Variants in PFKFB3 observed in about 807,000 individuals in gnomAD.
PFKFB3 encodes the protein 6-phosphofructo-2-kinase/fructose-2,6-bisphosphatase 3.
Under a neutral mutation model 68.0 loss-of-function variants are expected in PFKFB3, and 33 were observed. The ratio of observed to expected loss-of-function variants is 0.49; its 90% confidence interval spans 0.37 to 0.65. PFKFB3 has a LOEUF of 0.65. PFKFB3 is among the 30% of genes least tolerant of loss of function. PFKFB3 has a pLI of 0.00. For missense variants in PFKFB3, 586 were observed against 712.2 expected (o/e 0.82, Z 2.02); for synonymous variants, 315 against 288.2 (o/e 1.09, Z -0.94).
chr10:6,222,828 C>G lies in PFKFB3; in HGVS notation c.1084-27C>G, dbSNP rs367970367. 12 of 1,601,354 alleles carry G rather than the reference C, an allele frequency of 7.5e-6. No homozygotes were observed. The African/African-American group carries it at 1.6e-4, about 21-fold the overall frequency. On this transcript the variant is annotated intron_variant, in intron 10 of 14. Transcript: ENST00000379775. The stretch of plus-strand genomic sequence containing the variant: ...GAGCCCCTCCCGAGTGCCCTGAGCT[C>G]ACGTGGGCCCGGCCCTCTGTGCTCA...
the PFKFB3 span, among the ~76,000 whole-genome samples, chr10:6,268,678 T>G: frequency 1.3e-5 from 2 of 150,974 alleles, no homozygotes; most frequent in Non-Finnish European, 3.0e-5. Flanking sequence ...AAAAGACTAG[T>G]TAACTTTTTT....
chr10:6,172,095 C>T (rs1204027311), intron 1 of PFKFB3, among the ~76,000 whole-genome samples: 2 of 152,236 alleles, frequency 1.3e-5, no homozygotes, highest in Non-Finnish European at 2.9e-5. Context: ...GACGCATTCT[C>T]CCGGAACACC....
rs1210328694 is a variant in PFKFB3 at position 6,229,168 on chromosome 10, G to A, written c.1515+2803G>A. On this transcript the variant is annotated intron_variant, in intron 14 of 14. Transcript: ENST00000379775. The surrounding 1 kb of genome is among the most constrained non-coding windows in gnomAD (Gnocchi z 4.3). ...GATGCTGAAAAGAATGACTGGCTTTGGAAATGGGAGAGGTTTGGCATGGCG... is the reference window on the plus strand; with the variant it reads ...GATGCTGAAAAGAATGACTGGCTTTAGAAATGGGAGAGGTTTGGCATGGCG... 6.3e-6 allele frequency: 3 copies of A among 477,520 alleles called. No individual in the cohort carries two copies. The East Asian group carries it at 1.9e-4, about 31-fold the overall frequency. The allele number at this position is 477,520 out of a possible 1,614,324, so 29.6% of individuals were successfully genotyped here.
chr10:6,272,519 C>T, the PFKFB3 span, among the ~76,000 whole-genome samples: 1 of 152,012 alleles, frequency 6.6e-6, no homozygotes, highest in Non-Finnish European at 1.5e-5. Context: ...CATGGTGAAC[C>T]CCGTCTCTAC....
chr10:6,204,323 A>G (rs534984490), intron 1 of PFKFB3, among the ~76,000 whole-genome samples: 11 of 152,268 alleles, frequency 7.2e-5, no homozygotes, highest in Non-Finnish European at 1.2e-4. Flanking sequence ...TAGCCTGAGT[A>G]GTGACCGTGG....
chr10:6,219,452 G>T, intron 6 of PFKFB3, 117 bp from the exon 7 acceptor site: 1 of 1,117,590 alleles, frequency 8.9e-7, no homozygotes, highest in African/African-American at 1.5e-5. Context: ...CGCTGGGCCG[G>T]ATAATCTTTA....
chr10:6,286,728 A>G, the PFKFB3 span, among the ~76,000 whole-genome samples: 1 of 152,116 alleles, frequency 6.6e-6, no homozygotes, highest in Non-Finnish European at 1.5e-5. Context: ...TAAAGTGATT[A>G]TTTTTATAGT....
chr10:6,219,838 T>G (rs1844831509), intron 7 of PFKFB3, 145 bp downstream of exon 7: 3 of 740,038 alleles, frequency 4.1e-6, no homozygotes, highest in Admixed American at 5.5e-5. Context: ...GGTCTCGCTA[T>G]GTTGCCCGGG....
At chr10:6,169,228 C>T (rs1842231860) in intron 1 of PFKFB3, among the ~76,000 whole-genome samples, 2 of 152,232 alleles carry the variant, frequency 1.3e-5, no homozygotes, top group South Asian at 4.1e-4. Flanking sequence ...AGGCGTGAGC[C>T]ACCGCGCCCA....
intron 1 of PFKFB3, among the ~76,000 whole-genome samples, chr10:6,168,672 A>G (rs535315312): frequency 2.6e-5 from 4 of 152,284 alleles, no homozygotes; most frequent in African/African-American, 7.2e-5. Context: ...TGCTACGACC[A>G]TTATGCATGA....
intron 1 of PFKFB3, among the ~76,000 whole-genome samples, chr10:6,166,105 C>T (rs144333039): frequency 0.011 from 1,641 of 152,078 alleles, 67 homozygotes; most frequent in East Asian, 0.099. Context: ...TCAGCCTCCC[C>T]AGTAGCTGGG....
chr10:6,239,672 A>C (rs1846096987), downstream of PFKFB3, among the ~76,000 whole-genome samples: 1 of 152,002 alleles, frequency 6.6e-6, no homozygotes, highest in Non-Finnish European at 1.5e-5. Flanking sequence ...GAACATGAAG[A>C]CTTTCTAATA....
At chr10:6,316,304 C>T in the PFKFB3 span, among the ~76,000 whole-genome samples, 2 of 152,158 alleles carry the variant, frequency 1.3e-5, no homozygotes, top group African/African-American at 4.8e-5. Flanking sequence ...AGGGGCACCT[C>T]GACCAATGTC....
intron 14 of PFKFB3, among the ~76,000 whole-genome samples, chr10:6,250,361 C>T (rs952064043): frequency 2.0e-5 from 3 of 151,962 alleles, no homozygotes; most frequent in Non-Finnish European, 2.9e-5. Context: ...ATCAGGCAAT[C>T]GAGACCATCC....
intron 14 of PFKFB3, among the ~76,000 whole-genome samples, chr10:6,243,091 A>G (rs1014240136): frequency 6.6e-6 from 1 of 152,206 alleles, no homozygotes; most frequent in Admixed American, 6.5e-5. Context: ...AGACTCGGCA[A>G]CACCCTACCA....
At position 6,188,214 on chromosome 10, in the gene PFKFB3, C is replaced by T. The variant is rs150961649; in HGVS notation, c.17-25409C>T. Among the ~76,000 whole-genome samples the T allele has an allele frequency of 9.0e-4, 136 of 151,906 alleles. 1 individual carries two copies. Among genetic ancestry groups the T allele is most frequent in the African/African-American group, 3.1e-3 (130 of 41,398 alleles). On this transcript the variant is annotated intron_variant, in intron 1 of 14. Coordinates refer to the PFKFB3 transcript ENST00000379789. ...TACTTCAGGGTGTATTTCCTCAAAA[C>T]GAGCACAGTATCATGATTGAAATCA...
the PFKFB3 span, among the ~76,000 whole-genome samples, chr10:6,310,229 G>C: frequency 6.6e-6 from 1 of 152,064 alleles, no homozygotes; most frequent in African/African-American, 2.4e-5. Context: ...CCCTTAGGAG[G>C]AGCAGTGACC....
rs180748071 is a variant in PFKFB3, at chr10:6,216,045, C to T, written c.300-80C>T. ...TGGAACCACCAGTTACTCTGCTTGTCGGGGCGTGTCGGGAGTTGCTTGGGC... is the reference window on the plus strand; with the variant it reads ...TGGAACCACCAGTTACTCTGCTTGTTGGGGCGTGTCGGGAGTTGCTTGGGC... On this transcript the variant is annotated intron_variant, in intron 3 of 14. Coordinates refer to ENST00000379775, the MANE Select transcript of PFKFB3 (RefSeq NM_004566.4). 468 of 1,204,046 alleles carry T rather than the reference C, an allele frequency of 3.9e-4. 3 individuals are homozygous for T. Among genetic ancestry groups the T allele is most frequent in the Admixed American group, 6.7e-4 (40 of 59,456 alleles). 74.6% of individuals were successfully genotyped at this position (1,204,046 alleles called of 1,614,324 possible).
the PFKFB3 span, among the ~76,000 whole-genome samples, chr10:6,298,968 C>T: frequency 2.0e-5 from 3 of 152,212 alleles, no homozygotes; most frequent in Non-Finnish European, 2.9e-5. Context: ...CTGTTGGCTG[C>T]ATAGCCTAAA....
Sources: allele counts gnomAD v4.1 joint callset (sites outside exome capture counted in the v4.1 genomes callset), GRCh38; gene constraint gnomAD v4.1.1; non-coding constraint Gnocchi (gnomAD v3.1); transcripts MANE v1.5; gene names NCBI Gene and HGNC (gene_info 2026-07-23, HGNC 2026-07-21).